The following TSPEAR variants were observed in gnomAD, a reference collection of about 807,000 sequenced individuals.
The protein encoded by TSPEAR is thrombospondin type laminin G domain and EAR repeats.
TSPEAR carries 69 observed loss-of-function variants against 71.6 expected under a neutral mutation model. The ratio of observed to expected loss-of-function variants is 0.96; its 90% CI spans 0.79 to 1.18. TSPEAR has a LOEUF of 1.18. Among genes scored for constraint, TSPEAR ranks in the 50% most tolerant of loss-of-function variants. TSPEAR has a pLI of 0.00. For synonymous variants in TSPEAR, 402 were observed against 387.2 expected (o/e 1.04, Z -0.45); for missense variants, 971 against 894.9 (o/e 1.09, Z -1.09).
At chr21:44,597,410 C>T (rs182352310) in intron 1 of TSPEAR, among the ~76,000 whole-genome samples, 4 of 148,578 alleles carry the variant, frequency 2.7e-5, no homozygotes, top group Non-Finnish European at 4.4e-5. Flanking sequence ...GCTTTCTGTG[C>T]TCTTTTTCTT....
At chr21:44,539,320 G>A (rs2053156911) in intron 2 of TSPEAR, 2 of 1,611,440 alleles carry the variant, frequency 1.2e-6, no homozygotes, top group Middle Eastern at 1.7e-4. Flanking sequence ...CCGGGCGGGA[G>A]CACGCGGGGC....
At chr21:44,561,786 CATGTTAAAAACTCTG>C (rs1555921072) in intron 2 of TSPEAR, among the ~76,000 whole-genome samples, 1 of 152,166 alleles carries the variant, frequency 6.6e-6, no homozygotes, top group Non-Finnish European at 1.5e-5. Context: ...AACATCCCTT[CATGTTAAAAACTCTG>C]AATAAACTAG....
At chr21:44,518,777 A>G (rs2052667388) in intron 9 of TSPEAR, 2 of 447,596 alleles carry the variant, frequency 4.5e-6, no homozygotes, top group Non-Finnish European at 4.7e-6. Context: ...TAACGTTTCA[A>G]ATCCCTTCCT....
At chr21:44,655,690 G>A (rs1442691465) in intron 1 of TSPEAR, among the ~76,000 whole-genome samples, 11 of 152,206 alleles carry the variant, frequency 7.2e-5, no homozygotes, top group Non-Finnish European at 1.5e-4. Context: ...GAAGCAGCGG[G>A]CAGGAGTGTG....
chr21:44,578,639 G>A lies in TSPEAR; in HGVS notation c.83-10634C>T, dbSNP rs112534899. On this transcript the variant is annotated intron_variant, in intron 1 of 11. Coordinates refer to ENST00000323084, the MANE Select transcript of TSPEAR (RefSeq NM_144991.3). Reference sequence around the variant, plus strand: ...TCCTGGGATGAGAGGGGGACTCATGGAGGAACACCCACGCCTTGACCCTGA... The same window carrying A: ...TCCTGGGATGAGAGGGGGACTCATGAAGGAACACCCACGCCTTGACCCTGA... 6.4e-3 allele frequency among the ~76,000 whole-genome samples: 976 copies of A among 152,292 alleles called. 19 individuals carry two copies. The highest frequency in any genetic ancestry group is 0.021 in the African/African-American group (893 of 41,538).
At chr21:44,591,474 C>A (rs587720065) in intron 1 of TSPEAR, 2 of 1,613,982 alleles carry the variant, frequency 1.2e-6, no homozygotes, top group East Asian at 4.5e-5. Flanking sequence ...CACAGGAGGC[C>A]GTGCGGCAGC....
intron 1 of TSPEAR, chr21:44,573,778 A>G (rs1569193992): frequency 1.9e-6 from 3 of 1,613,666 alleles, no homozygotes; most frequent in Admixed American, 3.3e-5. Flanking sequence ...TGCTCCAGCG[A>G]CCTGAGCTAC....
intron 5 of TSPEAR, among the ~76,000 whole-genome samples, chr21:44,529,370 G>A (rs1374214584): frequency 6.6e-6 from 1 of 152,226 alleles, no homozygotes; most frequent in Non-Finnish European, 1.5e-5. Flanking sequence ...TAGGGCCAGA[G>A]TGGGCCCGAC....
intron 1 of TSPEAR, among the ~76,000 whole-genome samples, chr21:44,631,993 G>A (rs1198074085): frequency 1.3e-5 from 2 of 152,112 alleles, no homozygotes; most frequent in Non-Finnish European, 2.9e-5. Context: ...TTTTGAAGAC[G>A]GATGGTGGCA....
chr21:44,696,067 T>C (rs145274951), intron 1 of TSPEAR, among the ~76,000 whole-genome samples: 1 of 152,312 alleles, frequency 6.6e-6, no homozygotes, highest in African/African-American at 2.4e-5. Flanking sequence ...TTCAACCTCC[T>C]AGAACAACCC....
At chr21:44,536,381 T>G (rs985352299) in intron 2 of TSPEAR, among the ~76,000 whole-genome samples, 10 of 152,220 alleles carry the variant, frequency 6.6e-5, no homozygotes, top group African/African-American at 2.4e-4. Context: ...GGTTTTTCTT[T>G]TTCTATCTGG....
intron 1 of TSPEAR, among the ~76,000 whole-genome samples, chr21:44,649,713 C>T (rs1313339321): frequency 6.6e-6 from 1 of 152,196 alleles, no homozygotes. Flanking sequence ...TGGATGGGAG[C>T]CAGGCCACCC....
intron 2 of TSPEAR, among the ~76,000 whole-genome samples, chr21:44,540,793 C>G (rs1208918472): frequency 6.6e-6 from 1 of 152,184 alleles, no homozygotes; most frequent in African/African-American, 2.4e-5. Context: ...ATGCCCCTCC[C>G]CACGGCCTTC....
At chr21:44,555,340 GC>G (rs587623221) in intron 2 of TSPEAR, among the ~76,000 whole-genome samples, 198 of 152,320 alleles carry the variant, frequency 1.3e-3, no homozygotes, top group African/African-American at 4.6e-3. Flanking sequence ...TCCGACGGCT[GC>G]CGGGGCCCAC....
chr21:44,624,907 G>A (rs1302559864), intron 1 of TSPEAR, among the ~76,000 whole-genome samples: 1 of 152,096 alleles, frequency 6.6e-6, no homozygotes, highest in Non-Finnish European at 1.5e-5. Context: ...AGCTGTCTTG[G>A]TGACTCCTGG....
chr21:44,633,007 G>A (rs1490412465), intron 1 of TSPEAR, among the ~76,000 whole-genome samples: 2 of 152,060 alleles, frequency 1.3e-5, no homozygotes, highest in African/African-American at 2.4e-5. Flanking sequence ...TTGATTTTAT[G>A]TGTTAGTGTA....
At chr21:44,709,541 A>G (rs1319922155) in intron 1 of TSPEAR, among the ~76,000 whole-genome samples, 3 of 152,214 alleles carry the variant, frequency 2.0e-5, no homozygotes, top group Non-Finnish European at 4.4e-5. Context: ...AACTCCAGAG[A>G]AGGCGCATGG....
At chr21:44,659,812 C>T (rs12329668) in intron 1 of TSPEAR, among the ~76,000 whole-genome samples, 1 of 152,182 alleles carries the variant, frequency 6.6e-6, no homozygotes, top group South Asian at 2.1e-4. Context: ...AAAGTAAAAT[C>T]ACACAGGTGT....
chr21:44,702,689 C>T (rs1428102733), intron 1 of TSPEAR: 1 of 1,532,734 alleles, frequency 6.5e-7, no homozygotes, highest in African/African-American at 1.4e-5. Context: ...CCCGCCTTCT[C>T]CTGCCAGCCC....
Sources: gnomAD v4.1 joint callset for allele counts (sites outside exome capture counted in the v4.1 genomes callset) on GRCh38, gnomAD v4.1.1 for gene constraint, MANE v1.5 for transcripts, NCBI Gene and HGNC (gene_info 2026-07-23, HGNC 2026-07-21) for gene names.